The following IGF2BP3 variants were observed in gnomAD, a reference collection of about 807,000 sequenced individuals.
IGF2BP3 encodes insulin like growth factor 2 mRNA binding protein 3, also known as insulin-like growth factor 2 mRNA-binding protein 3.
In IGF2BP3, 9 loss-of-function variants were observed where a neutral mutation model predicts 73.8. The observed-to-expected ratio is 0.12, with a 90% confidence interval of 0.07 to 0.21. IGF2BP3 has a LOEUF of 0.21. IGF2BP3 is among the 10% of genes least tolerant of loss of function. The pLI is 1.00. For synonymous variants in IGF2BP3, 258 were observed against 256.7 expected, an observed-to-expected ratio of 1.01 and a Z score of -0.05; for missense variants, 542 against 714.0, an observed-to-expected ratio of 0.76 and a Z score of 2.75.
intron 10 of IGF2BP3, among the ~76,000 whole-genome samples, chr7:23,334,757 A>G (rs532527267): frequency 1.3e-5 from 2 of 152,374 alleles, no homozygotes; most frequent in South Asian, 2.1e-4. Flanking sequence ...GAAAGTTTGC[A>G]TAACTGGTGA....
At chr7:23,425,335 C>G (rs913805044) in intron 2 of IGF2BP3, among the ~76,000 whole-genome samples, 5 of 152,176 alleles carry the variant, frequency 3.3e-5, no homozygotes, top group African/African-American at 1.2e-4. Context: ...CTGCAACCCC[C>G]TTTGTATCAT....
intron 2 of IGF2BP3, among the ~76,000 whole-genome samples, chr7:23,462,352 CTAAGAA>C (rs1788467713): frequency 6.7e-6 from 1 of 150,354 alleles, no homozygotes; most frequent in Admixed American, 6.7e-5. Context: ...ATAGATTCCT[CTAAGAA>C]TATTTCTTTT....
intron 3 of IGF2BP3, among the ~76,000 whole-genome samples, chr7:23,372,729 ATTCT>A (rs1785595890): frequency 6.6e-6 from 1 of 152,222 alleles, no homozygotes; most frequent in Non-Finnish European, 1.5e-5. Flanking sequence ...CTTTAAGGCC[ATTCT>A]CTTCTCTCCA....
chr7:23,321,090 A>C (rs1358835335), intron 10 of IGF2BP3, among the ~76,000 whole-genome samples: 1 of 152,208 alleles, frequency 6.6e-6, no homozygotes, highest in Non-Finnish European at 1.5e-5. Flanking sequence ...AAATAGGAAC[A>C]GCTCCAGTCT....
intron 7 of IGF2BP3, among the ~76,000 whole-genome samples, chr7:23,346,656 G>A (rs1408004555): frequency 1.3e-5 from 2 of 151,032 alleles, no homozygotes; most frequent in African/African-American, 4.9e-5. Context: ...GCAGTGGCGC[G>A]ATCTCGGCTC....
intron 10 of IGF2BP3, among the ~76,000 whole-genome samples, chr7:23,335,318 T>A (rs1171506179): frequency 6.6e-6 from 1 of 151,758 alleles, no homozygotes. Context: ...GGTCTCACTC[T>A]GTCACCCAGG....
At chr7:23,380,018 GT>G (rs1785856763) in intron 3 of IGF2BP3, among the ~76,000 whole-genome samples, 2 of 152,140 alleles carry the variant, frequency 1.3e-5, no homozygotes, top group Admixed American at 1.3e-4. Context: ...TCTAAGATGG[GT>G]TGGGAAAGTC....
chr7:23,352,756 C>G (rs761064279), intron 5 of IGF2BP3, among the ~76,000 whole-genome samples: 141 of 152,132 alleles, frequency 9.3e-4, no homozygotes, highest in Non-Finnish European at 1.3e-3. Flanking sequence ...GTCACTGCCC[C>G]CCTACCCCTT....
chr7:23,352,791 A>G (rs894169727), intron 5 of IGF2BP3, among the ~76,000 whole-genome samples: 1 of 152,164 alleles, frequency 6.6e-6, no homozygotes, highest in African/African-American at 2.4e-5. Flanking sequence ...CCATAGATTA[A>G]TTCTGCCTAT....
At chr7:23,315,001 C>T (rs578085002) in intron 12 of IGF2BP3, among the ~76,000 whole-genome samples, 2 of 152,260 alleles carry the variant, frequency 1.3e-5, no homozygotes, top group South Asian at 4.1e-4. Flanking sequence ...CGGGGATTCA[C>T]CATGTTGGCC....
At chr7:23,313,365 A>G (rs961738077) in intron 13 of IGF2BP3, among the ~76,000 whole-genome samples, 157 bp downstream of exon 13, 2 of 152,230 alleles carry the variant, frequency 1.3e-5, no homozygotes, top group Non-Finnish European at 2.9e-5. Context: ...GCTGGCACCA[A>G]CACTCAGACA....
At chr7:23,418,720 C>A (rs1376438492) in intron 3 of IGF2BP3, 56 bp downstream of exon 3, 4 of 1,154,994 alleles carry the variant, frequency 3.5e-6, no homozygotes, top group Non-Finnish European at 5.0e-6. Flanking sequence ...TTTGAAAAAA[C>A]TAACAGCAAT....
chr7:23,327,173 G>C (rs1427772269), intron 10 of IGF2BP3, among the ~76,000 whole-genome samples: 1 of 151,906 alleles, frequency 6.6e-6, no homozygotes, highest in Non-Finnish European at 1.5e-5. Flanking sequence ...TTGAATCTTA[G>C]ATTCCTATTG....
At chr7:23,468,318 AAC>A (rs911133520) in intron 2 of IGF2BP3, among the ~76,000 whole-genome samples, 162 bp downstream of exon 2, 30 of 152,084 alleles carry the variant, frequency 2.0e-4, no homozygotes, top group Admixed American at 9.2e-4. Context: ...CAGCATCATC[AAC>A]ACACACACCC....
At chr7:23,334,640 C>T (rs1376501085) in intron 10 of IGF2BP3, among the ~76,000 whole-genome samples, 1 of 152,212 alleles carries the variant, frequency 6.6e-6, no homozygotes, top group Non-Finnish European at 1.5e-5. Context: ...ACATAAGCTG[C>T]TTCCCAATGG....
At chr7:23,347,830 G>A (rs1272412336) in intron 6 of IGF2BP3, 96 bp from the exon 7 acceptor site, 3 of 1,435,734 alleles carry the variant, frequency 2.1e-6, no homozygotes, top group Non-Finnish European at 2.9e-6. Context: ...TAGGGCTTCA[G>A]GGCAAAGCAG....
chr7:23,353,587 T>C (rs1424578770), intron 5 of IGF2BP3, among the ~76,000 whole-genome samples: 2 of 152,256 alleles, frequency 1.3e-5, no homozygotes, highest in African/African-American at 4.8e-5. Flanking sequence ...GTCCTTTCTA[T>C]ATGTTTACAA....
chr7:23,339,679 CAG>C (rs900611467), intron 10 of IGF2BP3, among the ~76,000 whole-genome samples: 8 of 152,228 alleles, frequency 5.3e-5, no homozygotes, highest in East Asian at 3.9e-4. Flanking sequence ...GGGAATGAAA[CAG>C]AGAGGTTAAG....
intron 10 of IGF2BP3, among the ~76,000 whole-genome samples, chr7:23,333,411 C>T (rs904446789): frequency 5.9e-5 from 9 of 152,178 alleles, no homozygotes; most frequent in Non-Finnish European, 1.3e-4. Flanking sequence ...GTGTCTTAGC[C>T]TGGAACACGT....
Sources: allele counts gnomAD v4.1 joint callset (sites outside exome capture counted in the v4.1 genomes callset), GRCh38; gene constraint gnomAD v4.1.1; transcripts MANE v1.5; gene names NCBI Gene and HGNC (gene_info 2026-07-23, HGNC 2026-07-21).